The following LYST variants were observed in gnomAD, a reference collection of about 807,000 sequenced individuals.
The protein encoded by LYST is lysosomal trafficking regulator.
LYST carries 192 observed loss-of-function variants against 413.6 expected under a neutral mutation model. The observed-to-expected ratio is 0.46, with a 90% CI of 0.41 to 0.52. LYST has a LOEUF of 0.52. Ranked by LOEUF, LYST falls within the 20% of genes least tolerant of loss-of-function variation. The pLI, the probability that LYST is intolerant of heterozygous loss-of-function variation, is 0.00. For missense variants in LYST, 3,815 were observed against 4,499.9 expected (o/e 0.85, Z 4.35); for synonymous variants, 1,525 against 1,567.3 (o/e 0.97, Z 0.64).
chr1:235,728,200 T>C lies in LYST; in HGVS notation c.9107-69A>G, dbSNP rs1664064813. ...ACACTACCATTCATGGTTTAATGCA[T>C]GGTCTCTGGAGTCCTTTGGTCTGAA... is the stretch of plus-strand genomic sequence containing the variant. On this transcript the variant is annotated intron_variant, in intron 37 of 52. Coordinates refer to ENST00000389793, the MANE Select transcript of LYST (RefSeq NM_000081.4). The C allele has an allele frequency of 3.6e-6, 4 of 1,108,746 alleles. No individual in the cohort carries two copies. In the Admixed American group the frequency reaches 5.1e-5, roughly 14 times the overall value. 68.7% of individuals were successfully genotyped at this position (1,108,746 alleles called of 1,614,324 possible).
chr1:235,862,550 C>G (rs1304205952), intron 1 of LYST, among the ~76,000 whole-genome samples: 1 of 152,080 alleles, frequency 6.6e-6, no homozygotes, highest in Non-Finnish European at 1.5e-5. Flanking sequence ...AATCCCAGCA[C>G]TTTGGGAGGC....
At chr1:235,680,519 G>T (rs374961974) in intron 48 of LYST, among the ~76,000 whole-genome samples, 2 of 152,046 alleles carry the variant, frequency 1.3e-5, no homozygotes, top group African/African-American at 4.8e-5. Context: ...ACCTGGGAAG[G>T]CCTCCCAAAG....
chr1:235,757,545 T>C (rs972497353), intron 23 of LYST, 87 bp from the exon 24 acceptor site: 25 of 928,680 alleles, frequency 2.7e-5, no homozygotes, highest in Non-Finnish European at 3.6e-6. Flanking sequence ...TAGTAGCATT[T>C]TTTAACAGGT....
Position 235,757,025 on chromosome 1 carries a change from C to T in LYST, c.7059+256G>A, listed in dbSNP as rs75345270. Among the ~76,000 whole-genome samples, 11,188 of 151,904 alleles carry T rather than the reference C, an allele frequency of 0.074. 542 individuals are homozygous for T. Among genetic ancestry groups the T allele is most frequent in the Middle Eastern group, 0.12 (36 of 292 alleles). On this transcript the variant is annotated intron_variant, in intron 24 of 52. Coordinates refer to ENST00000389793, the MANE Select transcript of LYST (RefSeq NM_000081.4). The stretch of plus-strand genomic sequence containing the variant: ...ATTTAAAAGACATATTGATATGAAC[C>T]AACATATGGAGGGGGACTTAAAGCT...
intron 42 of LYST, chr1:235,712,821 A>ATTTTT (rs1184088984): frequency 2.0e-6 from 2 of 984,734 alleles, no homozygotes; most frequent in African/African-American, 3.5e-5. Context: ...TTTTTTTTCC[A>ATTTTT]GGGTAGACTA....
chr1:235,710,287 A>C (rs1558139583), intron 43 of LYST, among the ~76,000 whole-genome samples: 1 of 152,210 alleles, frequency 6.6e-6, no homozygotes. Context: ...CAGAAAGCTC[A>C]GCAGTCATCG....
intron 1 of LYST, among the ~76,000 whole-genome samples, chr1:235,844,717 A>C (rs1183722583): frequency 6.0e-5 from 9 of 149,424 alleles, no homozygotes; most frequent in African/African-American, 2.2e-4. Context: ...ACTACAACAC[A>C]GAACTATATG....
At chr1:235,676,428 C>CA (rs950905080) in intron 50 of LYST, among the ~76,000 whole-genome samples, 7 of 151,948 alleles carry the variant, frequency 4.6e-5, no homozygotes, top group Non-Finnish European at 1.0e-4. Context: ...GCTAGTTTTC[C>CA]AAAAAAACAG....
rs1673322129 is a variant in LYST at position 235,810,240 on chromosome 1, G to A, written c.578C>T (p.Thr193Ile). Residue 193 changes from threonine to isoleucine, a missense_variant, in exon 5 of 53, where the codon ACA becomes ATA. This residue lies in a region of LYST where 1,648 missense variants were observed against 1,810.3 expected (regional missense o/e 0.91). Coordinates refer to ENST00000389793, the MANE Select transcript of LYST (RefSeq NM_000081.4). ...RRPHLLHHFL[T>I]SFPKQDHPKA... Reference sequence around the variant, plus strand: ...GGGGTGGTCTTGTTTAGGAAACGATGTTAAAAAATGATGCAGCAGATGGGG... The same window carrying A: ...GGGGTGGTCTTGTTTAGGAAACGATATTAAAAAATGATGCAGCAGATGGGG... 1 of 1,614,134 alleles carries A rather than the reference G, an allele frequency of 6.2e-7. No homozygotes were observed. Among genetic ancestry groups the A allele is most frequent in the East Asian group, 2.2e-5 (1 of 44,876 alleles).
At chr1:235,790,624 T>C (rs920597617) in intron 12 of LYST, among the ~76,000 whole-genome samples, 3 of 152,170 alleles carry the variant, frequency 2.0e-5, no homozygotes, top group African/African-American at 7.2e-5. Context: ...TGCATCTCCA[T>C]GTACATATAA....
Position 235,803,077 on chromosome 1 carries a change from G to A in LYST, c.3556-13C>T. 2 of 1,606,636 alleles carry A rather than the reference G, an allele frequency of 1.2e-6. No individual in the cohort carries two copies. The highest frequency in any genetic ancestry group is 2.2e-5 in the East Asian group (1 of 44,722). ...CAGATTGATGACTCTATAAATCAGT[G>A]TAATTCAAAGGTTGTAACATTTGCT... On this transcript the variant is annotated splice_polypyrimidine_tract_variant and intron_variant, in intron 7 of 52. Coordinates refer to ENST00000389793, the MANE Select transcript of LYST (RefSeq NM_000081.4).
At chr1:235,864,717 A>G (rs563979978) in intron 1 of LYST, among the ~76,000 whole-genome samples, 1 of 152,198 alleles carries the variant, frequency 6.6e-6, no homozygotes, top group Admixed American at 6.5e-5. Flanking sequence ...GGATCGCTTG[A>G]GCCCAGGAGT....
At chr1:235,747,902 C>T (rs1467727894) in intron 28 of LYST, among the ~76,000 whole-genome samples, 2 of 152,136 alleles carry the variant, frequency 1.3e-5, no homozygotes, top group African/African-American at 4.8e-5. Context: ...ATATTTATCA[C>T]TATCTAACAT....
chr1:235,747,854 G>A (rs917656347), intron 28 of LYST, among the ~76,000 whole-genome samples: 1 of 152,152 alleles, frequency 6.6e-6, no homozygotes, highest in Non-Finnish European at 1.5e-5. Flanking sequence ...TGCATAAGAT[G>A]TGGATTAGAA....
At chr1:235,725,969 C>T (rs1453312976) in intron 38 of LYST, among the ~76,000 whole-genome samples, 1 of 152,110 alleles carries the variant, frequency 6.6e-6, no homozygotes, top group Non-Finnish European at 1.5e-5. Context: ...AAAAAAAATG[C>T]ATCTTAATCT....
intron 36 of LYST, among the ~76,000 whole-genome samples, 174 bp downstream of exon 36, chr1:235,730,673 C>T (rs1158586586): frequency 6.6e-6 from 1 of 151,014 alleles, no homozygotes; most frequent in Non-Finnish European, 1.5e-5. Context: ...CTCTTGCTGT[C>T]AGAAATGTCA....
intron 39 of LYST, among the ~76,000 whole-genome samples, chr1:235,721,207 A>G (rs549736638): frequency 6.6e-6 from 1 of 152,304 alleles, no homozygotes; most frequent in African/African-American, 2.4e-5. Flanking sequence ...AAAAATAAGG[A>G]AAAAAGAAGA....
chr1:235,724,776 T>C (rs1309429039), intron 38 of LYST, among the ~76,000 whole-genome samples: 3 of 152,242 alleles, frequency 2.0e-5, no homozygotes, highest in Non-Finnish European at 4.4e-5. Context: ...TTATACAGTA[T>C]ATAGCCTTTT....
At chr1:235,711,919 T>C (rs925932706) in intron 43 of LYST, 138 bp downstream of exon 43, 7 of 580,408 alleles carry the variant, frequency 1.2e-5, no homozygotes, top group African/African-American at 1.9e-5. Context: ...TAGAATTATA[T>C]ACTTAATAAA....
Sources: allele counts gnomAD v4.1 joint callset (sites outside exome capture counted in the v4.1 genomes callset), GRCh38; gene constraint gnomAD v4.1.1; regional missense constraint gnomAD v4.1.1; transcripts MANE v1.5; gene names NCBI Gene and HGNC (gene_info 2026-07-23, HGNC 2026-07-21).